The following LINGO1 variants were observed in gnomAD, a reference collection of about 807,000 sequenced individuals.
LINGO1 encodes leucine rich repeat and Ig domain containing 1, also known as leucine-rich repeat and immunoglobulin-like domain-containing nogo receptor-interacting protein 1.
LINGO1 carries 11 observed loss-of-function variants against 37.3 expected under a neutral mutation model. The ratio of observed to expected loss-of-function variants is 0.29; its 90% confidence interval spans 0.19 to 0.49. LINGO1 has a LOEUF of 0.49. LINGO1 is among the 20% of genes least tolerant of loss of function. The pLI is 0.99. For missense variants in LINGO1, 585 were observed against 878.2 expected (o/e 0.67, Z 4.22); for synonymous variants, 387 against 403.0 (o/e 0.96, Z 0.48).
At chr15:77,781,369 G>C (rs1013159088) in intron 1 of LINGO1, among the ~76,000 whole-genome samples, 1 of 152,226 alleles carries the variant, frequency 6.6e-6, no homozygotes, top group African/African-American at 2.4e-5. Flanking sequence ...CTTGGAAGTG[G>C]GGATCTGAGC....
chr15:77,666,825 A>G (rs902823650), intron 3 of LINGO1: 1 of 152,254 alleles, frequency 6.6e-6, no homozygotes, highest in African/African-American at 2.4e-5. Context: ...GAGTTGTTGG[A>G]TCATTAGTTC....
intron 3 of LINGO1, among the ~76,000 whole-genome samples, chr15:77,655,804 T>C (rs1322416895): frequency 6.6e-6 from 1 of 152,206 alleles, no homozygotes; most frequent in East Asian, 1.9e-4. Context: ...GTGGGGCTGA[T>C]GGGTGGACAC....
At chr15:77,634,883 C>G (rs947322886), upstream of LINGO1, among the ~76,000 whole-genome samples, 2 of 152,324 alleles carry the variant, frequency 1.3e-5, no homozygotes, top group African/African-American at 4.8e-5. Flanking sequence ...GCCAGGCACC[C>G]GGCGGGCGCG....
chr15:77,784,098 C>T (rs926884853), intron 1 of LINGO1, among the ~76,000 whole-genome samples: 2 of 152,254 alleles, frequency 1.3e-5, no homozygotes, highest in Non-Finnish European at 2.9e-5. Flanking sequence ...CTGAGGCATG[C>T]TGAGAGACAA....
rs996238973 is a variant in LINGO1 at position 77,632,729 on chromosome 15, G to C, written c.-414C>G. Among the ~76,000 whole-genome samples, 1 of 145,822 alleles carries C rather than the reference G, an allele frequency of 6.9e-6. No individual in the cohort carries two copies. Among genetic ancestry groups the C allele is most frequent in the Non-Finnish European group, 1.5e-5 (1 of 65,694 alleles). ...CCGGCGGGCAGCGGCCGCGCATGCT[G>C]CTCGGCGCCCCGCGTCGGGAGAGGG... On this transcript the variant is annotated 5_prime_UTR_variant, in exon 1 of 2. Coordinates refer to ENST00000355300, the MANE Select transcript of LINGO1 (RefSeq NM_032808.7). The surrounding 1 kb of genome is among the most constrained non-coding windows in gnomAD (Gnocchi z 6.0).
At chr15:77,747,292 G>C (rs1287851638) in intron 1 of LINGO1, among the ~76,000 whole-genome samples, 2 of 152,140 alleles carry the variant, frequency 1.3e-5, no homozygotes, top group Non-Finnish European at 2.9e-5. Flanking sequence ...AGTGGATGAG[G>C]GGACATTGCA....
intron 2 of LINGO1, among the ~76,000 whole-genome samples, chr15:77,716,293 T>TG (rs2075983990): frequency 6.9e-6 from 1 of 145,184 alleles, no homozygotes; most frequent in South Asian, 2.3e-4. Flanking sequence ...TTTTTTTTTT[T>TG]TTTTTGAGAC....
chr15:77,756,106 G>A (rs2076416140), intron 1 of LINGO1, among the ~76,000 whole-genome samples: 1 of 152,178 alleles, frequency 6.6e-6, no homozygotes. Flanking sequence ...CTCAGCAACA[G>A]GGAGGGCATG....
At chr15:77,704,629 C>T (rs954310566) in intron 2 of LINGO1, among the ~76,000 whole-genome samples, 1 of 151,884 alleles carries the variant, frequency 6.6e-6, no homozygotes, top group African/African-American at 2.4e-5. Context: ...TGAGCTCTGA[C>T]CCTGGCCACA....
At chr15:77,758,233 ATGCATC>A (rs2076439910) in intron 1 of LINGO1, among the ~76,000 whole-genome samples, 2 of 152,138 alleles carry the variant, frequency 1.3e-5, no homozygotes, top group Admixed American at 6.5e-5. Flanking sequence ...CTCTCCCACC[ATGCATC>A]TGGGCCTGTC....
chr15:77,780,057 T>C (rs2076700684), intron 1 of LINGO1, among the ~76,000 whole-genome samples: 1 of 152,148 alleles, frequency 6.6e-6, no homozygotes, highest in African/African-American at 2.4e-5. Context: ...GGGACAGCCA[T>C]GCTAAGGAGG....
intron 3 of LINGO1, among the ~76,000 whole-genome samples, chr15:77,671,765 CTG>C (rs1761742986): frequency 6.6e-6 from 1 of 152,224 alleles, no homozygotes; most frequent in African/African-American, 2.4e-5. Context: ...ACCCTTCTGA[CTG>C]TGGTTACAGA....
chr15:77,668,515 T>A (rs962966204), intron 3 of LINGO1, among the ~76,000 whole-genome samples: 2 of 152,100 alleles, frequency 1.3e-5, no homozygotes, highest in African/African-American at 4.8e-5. Flanking sequence ...CAGGCGTGCA[T>A]ACCCCTATTC....
intron 1 of LINGO1, among the ~76,000 whole-genome samples, chr15:77,815,267 G>A (rs1407117031): frequency 1.3e-5 from 2 of 152,138 alleles, no homozygotes; most frequent in Non-Finnish European, 2.9e-5. Context: ...GACGTCCTCT[G>A]CAGAGGCCCT....
chr15:77,757,784 G>A (rs908523123), intron 1 of LINGO1, among the ~76,000 whole-genome samples: 2 of 152,184 alleles, frequency 1.3e-5, no homozygotes, highest in African/African-American at 4.8e-5. Context: ...TTAAGCAAGG[G>A]CTGGCTGGAA....
chr15:77,705,683 C>G (rs2075843965), intron 2 of LINGO1, among the ~76,000 whole-genome samples: 1 of 152,230 alleles, frequency 6.6e-6, no homozygotes, highest in Non-Finnish European at 1.5e-5. Context: ...TAATTTTTTA[C>G]TTCTTCTCAG....
At chr15:77,782,630 T>G (rs1255460427) in intron 1 of LINGO1, among the ~76,000 whole-genome samples, 1 of 152,088 alleles carries the variant, frequency 6.6e-6, no homozygotes, top group South Asian at 2.1e-4. Context: ...CGGTGCCACT[T>G]GGGCCAAATT....
At chr15:77,706,484 A>G (rs2075854313) in intron 2 of LINGO1, among the ~76,000 whole-genome samples, 1 of 150,758 alleles carries the variant, frequency 6.6e-6, no homozygotes, top group African/African-American at 2.5e-5. Flanking sequence ...TATTGGCCTC[A>G]GGCTCTGTCT....
chr15:77,616,887 T>C (rs1343625471), intron 1 of LINGO1, among the ~76,000 whole-genome samples: 2 of 152,212 alleles, frequency 1.3e-5, no homozygotes. Context: ...AGAAGTGAAG[T>C]GTGCTCCCCT....
Sources: gnomAD v4.1 joint callset for allele counts (sites outside exome capture counted in the v4.1 genomes callset) on GRCh38, gnomAD v4.1.1 for gene constraint, Gnocchi (gnomAD v3.1) non-coding constraint, MANE v1.5 for transcripts, NCBI Gene and HGNC (gene_info 2026-07-23, HGNC 2026-07-21) for gene names.